PACS1: variants seen among roughly 807,000 people sequenced by gnomAD.
PACS1 encodes the protein PACS-1.
PACS1 carries 24 observed loss-of-function variants against 115.0 expected under a neutral mutation model. The observed-to-expected ratio is 0.21, with a 90% CI of 0.15 to 0.29. The LOEUF (loss-of-function observed/expected upper bound fraction) is 0.29, where lower values mean the gene tolerates loss of function less well. PACS1 is among the 10% of genes least tolerant of loss of function. The probability of loss-of-function intolerance (pLI) is 1.00; values close to 1 mark genes in which losing one functional copy is unlikely to be tolerated. For missense variants in PACS1, 838 were observed against 1,251.2 expected (o/e 0.67, Z 4.98); for synonymous variants, 453 against 504.5 (o/e 0.90, Z 1.37).
At chr11:66,199,646 CCTTA>C (rs1465106336) in intron 2 of PACS1, among the ~76,000 whole-genome samples, 1 of 152,120 alleles carries the variant, frequency 6.6e-6, no homozygotes, top group Non-Finnish European at 1.5e-5. Context: ...AATAGTAAGG[CCTTA>C]CTTATCAATA....
chr11:66,202,865 CA>C (rs894957559), intron 2 of PACS1, among the ~76,000 whole-genome samples: 2 of 147,178 alleles, frequency 1.4e-5, no homozygotes, highest in African/African-American at 5.1e-5. Flanking sequence ...CATACCTCAA[CA>C]CAATAAAAGC....
intron 1 of PACS1, among the ~76,000 whole-genome samples, chr11:66,094,502 G>A (rs1178697222): frequency 1.3e-5 from 2 of 151,824 alleles, no homozygotes; most frequent in African/African-American, 4.8e-5. Context: ...CCAGGAAGAA[G>A]TTGAATCTCT....
At chr11:66,190,409 A>G (rs947057728) in intron 1 of PACS1, among the ~76,000 whole-genome samples, 2 of 152,138 alleles carry the variant, frequency 1.3e-5, no homozygotes, top group Non-Finnish European at 2.9e-5. Context: ...GTAGTTAACT[A>G]CATTTGTTTT....
chr11:66,090,244 C>G (rs1016067675), intron 1 of PACS1, among the ~76,000 whole-genome samples: 1 of 140,632 alleles, frequency 7.1e-6, no homozygotes, highest in African/African-American at 2.6e-5. Context: ...TTTTCTTTCT[C>G]TTCTCTTCTT....
chr11:66,130,943 T>A (rs1858686632), intron 1 of PACS1, among the ~76,000 whole-genome samples: 1 of 151,824 alleles, frequency 6.6e-6, no homozygotes, highest in Non-Finnish European at 1.5e-5. Context: ...CAGTGGCATG[T>A]GCCTGTGGTC....
At chr11:66,143,332 A>G (rs1348999394) in intron 1 of PACS1, among the ~76,000 whole-genome samples, 1 of 152,086 alleles carries the variant, frequency 6.6e-6, no homozygotes, top group African/African-American at 2.4e-5. Flanking sequence ...CCCCTGTTGG[A>G]GCACTTTGGA....
intron 2 of PACS1, among the ~76,000 whole-genome samples, chr11:66,194,382 C>T (rs901166178): frequency 2.0e-5 from 3 of 152,226 alleles, no homozygotes; most frequent in Admixed American, 2.0e-4. Context: ...TAACTCCTTA[C>T]ATTTGGTATA....
chr11:66,230,135 T>C (rs1196065745), intron 11 of PACS1, among the ~76,000 whole-genome samples: 1 of 96,918 alleles, frequency 1.0e-5, no homozygotes, highest in Admixed American at 1.1e-4. Context: ...GGAATGGGGC[T>C]AAAAAAAAAA....
At chr11:66,167,791 A>G (rs945884138) in intron 1 of PACS1, among the ~76,000 whole-genome samples, 3 of 149,612 alleles carry the variant, frequency 2.0e-5, no homozygotes, top group African/African-American at 7.6e-5. Flanking sequence ...TTTTTCTTAT[A>G]TTGTTTCTGC....
At chr11:66,214,624 T>TC (rs201051582) in intron 4 of PACS1, among the ~76,000 whole-genome samples, 1,822 of 143,950 alleles carry the variant, frequency 0.013, 24 homozygotes, top group Non-Finnish European at 0.019. Context: ...TCTTTTCTTT[T>TC]TTTTTTTTTT....
At chr11:66,213,555 C>G (rs1855127718) in intron 4 of PACS1, among the ~76,000 whole-genome samples, 1 of 152,250 alleles carries the variant, frequency 6.6e-6, no homozygotes, top group Non-Finnish European at 1.5e-5. Flanking sequence ...ACTGAGCAGA[C>G]AGAGCTGAGA....
At chr11:66,132,638 C>G (rs572625804) in intron 1 of PACS1, among the ~76,000 whole-genome samples, 1 of 152,212 alleles carries the variant, frequency 6.6e-6, no homozygotes, top group South Asian at 2.1e-4. Context: ...AGTATAGATG[C>G]AACCAGCCTT....
rs1474851642 is a variant in PACS1 at position 66,236,701 on chromosome 11, C to G, written c.2250+761C>G. On this transcript the variant is annotated intron_variant, in intron 19 of 23. Coordinates refer to ENST00000320580, the MANE Select transcript of PACS1 (RefSeq NM_018026.4). This position sits in a 1 kb window ranked among gnomAD's most constrained non-coding sequence, Gnocchi z 4.2. ...CATGGCACCGGAGCAGGACTGAAAA[C>G]TCCGATTTCCACTTAAAAGAGCTTT... Among the ~76,000 whole-genome samples the G allele has an allele frequency of 6.6e-6, 1 of 152,200 alleles. No individual in the cohort carries two copies. The highest frequency in any genetic ancestry group is 2.4e-5 in the African/African-American group (1 of 41,466).
intron 1 of PACS1, among the ~76,000 whole-genome samples, chr11:66,121,542 G>A (rs1006886708): frequency 2.0e-5 from 3 of 152,152 alleles, no homozygotes; most frequent in Non-Finnish European, 2.9e-5. Context: ...AAAACCAGGC[G>A]TCTTGCAGCA....
chr11:66,189,898 C>CA (rs1455400691), intron 1 of PACS1, among the ~76,000 whole-genome samples: 3 of 152,214 alleles, frequency 2.0e-5, no homozygotes, highest in African/African-American at 7.2e-5. Context: ...GAAAGGCACT[C>CA]AAGGCATTGC....
intron 1 of PACS1, among the ~76,000 whole-genome samples, chr11:66,171,480 T>A (rs2134639611): frequency 6.6e-6 from 1 of 150,482 alleles, no homozygotes; most frequent in South Asian, 2.1e-4. Context: ...ATTTGTTCTT[T>A]TTTTGGGGGG....
chr11:66,181,530 A>G (rs765571813), intron 1 of PACS1, among the ~76,000 whole-genome samples: 14 of 152,138 alleles, frequency 9.2e-5, no homozygotes, highest in Non-Finnish European at 1.6e-4. Flanking sequence ...CTCTTTTAAA[A>G]TTAGTAGTGT....
intron 1 of PACS1, among the ~76,000 whole-genome samples, chr11:66,108,041 G>A (rs1858091823): frequency 6.6e-6 from 1 of 152,146 alleles, no homozygotes; most frequent in Non-Finnish European, 1.5e-5. Context: ...TGCCAACAAG[G>A]CCAAGAGAAC....
intron 1 of PACS1, among the ~76,000 whole-genome samples, chr11:66,113,095 G>A (rs545145010): frequency 1.3e-4 from 20 of 152,314 alleles, no homozygotes; most frequent in South Asian, 6.2e-4. Context: ...TAATGGAAAT[G>A]TTCTGTATCT....
Sources: gnomAD v4.1 joint callset for allele counts (sites outside exome capture counted in the v4.1 genomes callset) on GRCh38, gnomAD v4.1.1 for gene constraint, Gnocchi (gnomAD v3.1) non-coding constraint, MANE v1.5 for transcripts, NCBI Gene and HGNC (gene_info 2026-07-23, HGNC 2026-07-21) for gene names.